The following TENM3 variants were observed in gnomAD, a reference collection of about 807,000 sequenced individuals.
TENM3 encodes teneurin-3.
Under a neutral mutation model 255.1 loss-of-function variants are expected in TENM3, and 63 were observed. The ratio of observed to expected loss-of-function variants is 0.25; its 90% CI spans 0.20 to 0.30. The LOEUF (loss-of-function observed/expected upper bound fraction) is 0.30. TENM3 is among the 10% of genes least tolerant of loss of function. TENM3 has a pLI of 1.00. For missense variants in TENM3, 2,929 were observed against 3,461.1 expected (o/e 0.85, Z 3.86); for synonymous variants, 1,306 against 1,322.3 (o/e 0.99, Z 0.27).
rs760477721 is a variant in TENM3, at chr4:182,792,615, C to T, written c.5943C>T (p.Asn1981=). 1.9e-6 allele frequency: 3 copies of T among 1,613,926 alleles called. No individual in the cohort carries two copies. Among genetic ancestry groups the T allele is most frequent in the African/African-American group, 1.3e-5 (1 of 75,022 alleles). The change falls in exon 26 of 28, where the codon AAC becomes AAT. Residue 1981 remains asparagine (N), a synonymous_variant. Transcript: ENST00000511685. This position sits in a 1 kb window ranked among gnomAD's most constrained non-coding sequence, Gnocchi z 6.3. ...DETAGVLKTV[N]LQSDGFICTI... ...CAGCAGGAGTCCTAAAGACAGTAAA[C>T]CTCCAGAGTGATGGTTTTATTTGCA...
rs143637949 is a variant in TENM3 at position 182,698,801 on chromosome 4, C to T, written c.2221+10450C>T. Reference sequence around the variant, plus strand: ...TAGAGCTGCGTGGTTTCATATCAGACGGCAGTGCCAGTGCTACTGAGAGGT... The same window carrying T: ...TAGAGCTGCGTGGTTTCATATCAGATGGCAGTGCCAGTGCTACTGAGAGGT... On this transcript the variant is annotated intron_variant, in intron 12 of 27. Transcript: ENST00000511685. Among the ~76,000 whole-genome samples the T allele has an allele frequency of 1.1e-4, 17 of 152,272 alleles. No homozygotes were observed. The East Asian group carries it at 2.5e-3, about 22-fold the overall frequency.
chr4:181,889,250 C>T, the TENM3 span, among the ~76,000 whole-genome samples: 827 of 152,174 alleles, frequency 5.4e-3, 6 homozygotes, highest in African/African-American at 0.019. Context: ...CGTGCGTTCA[C>T]GTGGGACCTG....
chr4:182,658,851 T>G (rs1006552153), intron 6 of TENM3, among the ~76,000 whole-genome samples: 1 of 152,212 alleles, frequency 6.6e-6, no homozygotes, highest in Admixed American at 6.5e-5. Flanking sequence ...TGAGCTCAAC[T>G]GTAGTCACCA....
the TENM3 span, among the ~76,000 whole-genome samples, chr4:181,546,177 A>G: frequency 4.6e-5 from 7 of 152,118 alleles, no homozygotes; most frequent in Non-Finnish European, 1.0e-4. Flanking sequence ...GAGGCTTGTC[A>G]ACTCAGATAG....
At chr4:182,656,872 G>A (rs1015876628) in intron 6 of TENM3, among the ~76,000 whole-genome samples, 1 of 152,158 alleles carries the variant, frequency 6.6e-6, no homozygotes, top group African/African-American at 2.4e-5. Context: ...AAGGATTTCT[G>A]TTATATGCCA....
the TENM3 span, among the ~76,000 whole-genome samples, chr4:182,069,429 C>T: frequency 6.6e-6 from 1 of 152,158 alleles, no homozygotes; most frequent in Non-Finnish European, 1.5e-5. Context: ...GCAGGAAGGA[C>T]TTGATCAGAA....
the TENM3 span, among the ~76,000 whole-genome samples, chr4:181,852,908 A>AG: frequency 6.6e-6 from 1 of 152,218 alleles, no homozygotes; most frequent in Non-Finnish European, 1.5e-5. Context: ...ACTGAATCTT[A>AG]CACTTACAAA....
At chr4:181,825,436 G>T in the TENM3 span, among the ~76,000 whole-genome samples, 1 of 142,828 alleles carries the variant, frequency 7.0e-6, no homozygotes, top group Admixed American at 7.0e-5. Context: ...ACAGAGAATA[G>T]TTGACATTAA....
the TENM3 span, among the ~76,000 whole-genome samples, chr4:181,980,790 A>G: frequency 6.6e-6 from 1 of 152,290 alleles, no homozygotes; most frequent in East Asian, 1.9e-4. Context: ...ACTGTTATTT[A>G]AGACAACATT....
intron 1 of TENM3, among the ~76,000 whole-genome samples, chr4:182,148,511 G>A (rs1040121198): frequency 6.6e-6 from 1 of 151,930 alleles, no homozygotes; most frequent in East Asian, 1.9e-4. Context: ...ATATTTTCTT[G>A]CCCATCAAAG....
chr4:181,782,322 T>C, the TENM3 span, among the ~76,000 whole-genome samples: 1 of 152,206 alleles, frequency 6.6e-6, no homozygotes, highest in African/African-American at 2.4e-5. Context: ...TATTCAGGGA[T>C]TCAACTTCTT....
chr4:182,480,650 CTT>C (rs1734109074), intron 3 of TENM3, among the ~76,000 whole-genome samples: 1 of 151,938 alleles, frequency 6.6e-6, no homozygotes, highest in African/African-American at 2.4e-5. Flanking sequence ...AACTCTGTAT[CTT>C]TGAAAACAGT....
the TENM3 span, among the ~76,000 whole-genome samples, chr4:181,883,952 G>T: frequency 6.6e-6 from 1 of 152,168 alleles, no homozygotes; most frequent in African/African-American, 2.4e-5. Context: ...CAGTTGCAAG[G>T]TTCCCCATTA....
intron 26 of TENM3, among the ~76,000 whole-genome samples, chr4:182,794,374 G>A (rs778670056): frequency 6.6e-6 from 1 of 152,068 alleles, no homozygotes; most frequent in Non-Finnish European, 1.5e-5. Flanking sequence ...GTGTCATGTT[G>A]GGTTTTTTTA....
At chr4:182,389,575 A>G (rs1768261245) in intron 3 of TENM3, among the ~76,000 whole-genome samples, 1 of 152,228 alleles carries the variant, frequency 6.6e-6, no homozygotes, top group African/African-American at 2.4e-5. Flanking sequence ...GGAATATGAC[A>G]AAGTGGAAAT....
At chr4:181,865,593 A>AAGAGGAGGGGCTGAAGGCCCG in the TENM3 span, among the ~76,000 whole-genome samples, 1 of 152,104 alleles carries the variant, frequency 6.6e-6, no homozygotes, top group Non-Finnish European at 1.5e-5. Context: ...CTGAAGGCCC[A>AAGAGGAGGGGCTGAAGGCCCG]CTAAAGCACT....
At chr4:181,843,916 C>T in the TENM3 span, among the ~76,000 whole-genome samples, 1 of 152,022 alleles carries the variant, frequency 6.6e-6, no homozygotes, top group African/African-American at 2.4e-5. Flanking sequence ...GACACGGTTT[C>T]ACCATGTTGG....
chr4:181,506,423 G>A, the TENM3 span, among the ~76,000 whole-genome samples: 1 of 151,218 alleles, frequency 6.6e-6, no homozygotes, highest in African/African-American at 2.4e-5. Context: ...TTGGGAAATT[G>A]ACATCCTGGA....
At chr4:182,495,755 A>G (rs568522192) in intron 3 of TENM3, among the ~76,000 whole-genome samples, 2 of 152,202 alleles carry the variant, frequency 1.3e-5, no homozygotes, top group Non-Finnish European at 2.9e-5. Context: ...TCACAGTACT[A>G]AAGTCATTTT....
Sources: allele counts gnomAD v4.1 joint callset (sites outside exome capture counted in the v4.1 genomes callset), GRCh38; gene constraint gnomAD v4.1.1; non-coding constraint Gnocchi (gnomAD v3.1); transcripts MANE v1.5; gene names NCBI Gene and HGNC (gene_info 2026-07-23, HGNC 2026-07-21).